The following ARID2 variants were observed in gnomAD, a reference collection of about 807,000 sequenced individuals.
ARID2 encodes AT-rich interaction domain 2.
A neutral mutation model predicts 184.6 loss-of-function variants in ARID2; 32 were observed. The observed-to-expected ratio is 0.17, with a 90% CI of 0.13 to 0.23. The LOEUF (loss-of-function observed/expected upper bound fraction) is 0.23. Among genes scored for constraint, ARID2 ranks in the 10% least tolerant of loss-of-function variants. The pLI is 1.00. For missense variants in ARID2, 1,696 were observed against 2,197.6 expected (o/e 0.77, Z 4.56); for synonymous variants, 836 against 772.6 (o/e 1.08, Z -1.36).
intron 3 of ARID2, among the ~76,000 whole-genome samples, chr12:45,801,302 A>T (rs1431536005): frequency 4.0e-5 from 6 of 149,790 alleles, no homozygotes; most frequent in Non-Finnish European, 7.4e-5. Context: ...AAAGAGTGAG[A>T]CTCCGTCTCA....
rs1160219479 is a variant in ARID2, at chr12:45,851,187, C to G, written c.3064C>G (p.Pro1022Ala). 2.5e-6 allele frequency: 4 copies of G among 1,614,016 alleles called. No individual in the cohort carries two copies. Among genetic ancestry groups the G allele is most frequent in the Non-Finnish European group, 3.4e-6 (4 of 1,180,012 alleles). ...QQQQQHSPAP[P>A]PQQVQVQVQQ... is the part of the protein sequence containing the mutation. ...ACAGCAGCAACATTCACCAGCACCC[C>G]CACCACAGCAGGTACAAGTACAAGT... Residue 1022 changes from proline (P) to alanine (A), a missense_variant, in exon 15 of 21, where the codon CCA becomes GCA. Around this residue, in one of 11 missense-constraint regions of ARID2, gnomAD observed 713 missense variants for 824.4 expected, o/e 0.86. Coordinates refer to ENST00000334344, the MANE Select transcript of ARID2 (RefSeq NM_152641.4).
intron 16 of ARID2, chr12:45,881,753 A>C (rs1000930300): frequency 5.4e-6 from 1 of 184,750 alleles, no homozygotes; most frequent in Admixed American, 5.9e-5. Flanking sequence ...GAGCAAATGT[A>C]GGCAACATTC....
chr12:45,870,923 TG>T lies in ARID2; in HGVS notation c.4922+9975del, dbSNP rs570808112. Among the ~76,000 whole-genome samples the T allele has an allele frequency of 1.5e-3, 230 of 152,338 alleles. 10 individuals carry two copies. The South Asian group carries it at 0.045, about 30-fold the overall frequency. Reference sequence around the variant, plus strand: ...TGAACTAAGGTGTTATAAACATTTATGTGTAAGTTTGTGTGGATGTAGTTTT... The same window carrying T: ...TGAACTAAGGTGTTATAAACATTTATTGTAAGTTTGTGTGGATGTAGTTTT... On this transcript the variant is annotated intron_variant, in intron 16 of 20. Coordinates refer to ENST00000334344, the MANE Select transcript of ARID2 (RefSeq NM_152641.4).
intron 3 of ARID2, among the ~76,000 whole-genome samples, chr12:45,797,430 C>T (rs544130043): frequency 1.3e-5 from 2 of 152,144 alleles, no homozygotes; most frequent in Admixed American, 6.5e-5. Flanking sequence ...AGATGGGTTT[C>T]GCCATGTTGG....
At chr12:45,816,574 A>ATT (rs1431966331) in intron 4 of ARID2, among the ~76,000 whole-genome samples, 1 of 152,198 alleles carries the variant, frequency 6.6e-6, no homozygotes, top group Non-Finnish European at 1.5e-5. Context: ...ACTTCTAGGT[A>ATT]TTTATGCCAG....
chr12:45,893,871 G>C (rs1944335657), intron 20 of ARID2, 150 bp downstream of exon 20: 1 of 590,854 alleles, frequency 1.7e-6, no homozygotes, highest in African/African-American at 1.9e-5. Context: ...GTCAGGCCAT[G>C]ATGAGCTCTT....
chr12:45,851,682 G>A lies in ARID2; in HGVS notation c.3559G>A (p.Val1187Met). ...AAATACGAGTTTTGCACCTGCAACT[G>A]TGAGTCAGGGAAATGCAACTCAGCT... ...VPNTSFAPAT[V>M]SQGNATQLIA... is the part of the protein sequence containing the mutation. The change falls in exon 15 of 21, where the codon GTG (valine) becomes ATG (methionine). Residue 1187 changes from valine to methionine, a missense_variant. Val to Met is a conservative substitution (Grantham distance 21). Coordinates refer to ENST00000334344, the MANE Select transcript of ARID2 (RefSeq NM_152641.4). 6.2e-7 allele frequency: 1 copy of A among 1,614,164 alleles called. No individual in the cohort carries two copies. The highest frequency in any genetic ancestry group is 8.5e-7 in the Non-Finnish European group (1 of 1,180,018).
intron 16 of ARID2, among the ~76,000 whole-genome samples, chr12:45,877,264 C>T (rs532569982): frequency 9.2e-5 from 14 of 152,154 alleles, no homozygotes; most frequent in Middle Eastern, 3.4e-3. Flanking sequence ...TATTTACAGC[C>T]GCTCCCTATT....
intron 20 of ARID2, among the ~76,000 whole-genome samples, chr12:45,899,741 T>TATATATATATGGTTA (rs1565645015): frequency 9.5e-6 from 1 of 105,104 alleles, no homozygotes; most frequent in African/African-American, 3.5e-5. Context: ...ATATATGGTT[T>TATATATATATGGTTA]TATATATATA....
chr12:45,817,670 A>T lies in ARID2; in HGVS notation c.419A>T (p.Asp140Val), dbSNP rs1452640746. Residue 140 changes from aspartate to valine, a missense_variant and splice_region_variant, in exon 5 of 21, where the codon GAT becomes GTT. This residue lies in a region of ARID2 where 148 missense variants were observed against 285.4 expected (regional missense o/e 0.52). Coordinates refer to ENST00000334344, the MANE Select transcript of ARID2 (RefSeq NM_152641.4). The stretch of plus-strand genomic sequence containing the variant: ...TTAAGGTATTTTTTTTCTTTGTTAG[A>T]TTATCTGCGTCAAAGTTATGGGCTG... ...SYNYQQHSVSDYLRQSYGLSM... is the reference protein window; with the variant it reads ...SYNYQQHSVSVYLRQSYGLSM... The T allele has an allele frequency of 1.2e-6, 2 of 1,600,452 alleles. No individual in the cohort carries two copies. Among genetic ancestry groups the T allele is most frequent in the Admixed American group, 1.7e-5 (1 of 57,802 alleles).
At chr12:45,799,923 C>G (rs1396756392) in intron 3 of ARID2, among the ~76,000 whole-genome samples, 1 of 152,108 alleles carries the variant, frequency 6.6e-6, no homozygotes, top group Non-Finnish European at 1.5e-5. Flanking sequence ...AATGATGGAT[C>G]ACTGCATCTT....
chr12:45,816,722 G>A (rs1028198319), intron 4 of ARID2, among the ~76,000 whole-genome samples: 1 of 152,188 alleles, frequency 6.6e-6, no homozygotes, highest in Non-Finnish European at 1.5e-5. Flanking sequence ...AGAAAGGTAT[G>A]GACTACTGAT....
chr12:45,782,775 C>G (rs1437612525), intron 3 of ARID2, among the ~76,000 whole-genome samples: 3 of 151,808 alleles, frequency 2.0e-5, no homozygotes, highest in Non-Finnish European at 4.4e-5. Flanking sequence ...TATTGTTTCC[C>G]TAATGAAGAG....
At chr12:45,790,699 AC>A (rs1276486488) in intron 3 of ARID2, among the ~76,000 whole-genome samples, 1 of 152,204 alleles carries the variant, frequency 6.6e-6, no homozygotes, top group East Asian at 1.9e-4. Flanking sequence ...GCGGAATGCT[AC>A]TGTTCACAAA....
chr12:45,778,093 C>A (rs1942019049), intron 3 of ARID2, among the ~76,000 whole-genome samples: 1 of 151,988 alleles, frequency 6.6e-6, no homozygotes, highest in Non-Finnish European at 1.5e-5. Flanking sequence ...ATAATCTCAG[C>A]TTCTCAGGGG....
At position 45,846,891 on chromosome 12, in the gene ARID2, C is replaced by A. The variant is rs1287100037; in HGVS notation, c.1534C>A (p.Pro512Thr). The A allele has an allele frequency of 6.2e-7, 1 of 1,613,008 alleles. No individual in the cohort carries two copies. ...AGTTGTAGCGCAGCATGTTGCTCCA[C>A]CTCCAGGAATAGTGGAAATAGATAG... ...RAVVAQHVAP[P>T]PGIVEIDSEK... is the part of the protein sequence containing the mutation. The change falls in exon 12 of 21, where the codon CCT becomes ACT. Residue 512 changes from proline (P) to threonine (T), a missense_variant. Pro to Thr is a conservative substitution (Grantham distance 38). Coordinates refer to ENST00000334344, the MANE Select transcript of ARID2 (RefSeq NM_152641.4).
At chr12:45,797,825 AATT>A (rs1942418400) in intron 3 of ARID2, among the ~76,000 whole-genome samples, 2 of 152,080 alleles carry the variant, frequency 1.3e-5, no homozygotes, top group African/African-American at 2.4e-5. Context: ...TATATCAGAG[AATT>A]ATTGATTCAG....
rs1031753658 is a variant in ARID2 at position 45,907,541 on chromosome 12, G to A, written c.*2463G>A. 2.1e-5 allele frequency: 5 copies of A among 232,978 alleles called. No homozygotes were observed. The highest frequency in any genetic ancestry group is 6.6e-5 in the African/African-American group (3 of 45,254). The allele number at this position is 232,978 out of a possible 1,614,324, so 14.4% of individuals were successfully genotyped here. A position where few individuals can be genotyped will look rare whatever the true frequency, so the allele number is the denominator to read the frequency against. ...CGTTTGACCTAATGAAACTGATCAT[G>A]GCTTCCCACTTAGGTTTTTCTTCTT... On this transcript the variant is annotated 3_prime_UTR_variant, in exon 21 of 21. Transcript: ENST00000334344.
intron 3 of ARID2, among the ~76,000 whole-genome samples, chr12:45,777,371 T>G (rs1337461218): frequency 6.6e-6 from 1 of 152,188 alleles, no homozygotes; most frequent in Non-Finnish European, 1.5e-5. Context: ...ATTAATGCTC[T>G]AATTAATGTG....
Sources: allele counts gnomAD v4.1 joint callset (sites outside exome capture counted in the v4.1 genomes callset), GRCh38; gene constraint gnomAD v4.1.1; regional missense constraint gnomAD v4.1.1; transcripts MANE v1.5; gene names NCBI Gene and HGNC (gene_info 2026-07-23, HGNC 2026-07-21).